MROH9: variants seen among roughly 807,000 people sequenced by gnomAD.
MROH9 encodes the protein maestro heat-like repeat-containing protein family member 9.
Under a neutral mutation model 98.2 loss-of-function variants are expected in MROH9, and 92 were observed. The ratio of observed to expected loss-of-function variants is 0.94; its 90% CI spans 0.79 to 1.11. The LOEUF (loss-of-function observed/expected upper bound fraction) is 1.11. Ranked by LOEUF, MROH9 falls within the 50% of genes most tolerant of loss-of-function variation. MROH9 has a pLI of 0.00. For synonymous variants in MROH9, 397 were observed against 368.9 expected, an observed-to-expected ratio of 1.08 and a Z score of -0.87; for missense variants, 1,057 against 1,014.8, an observed-to-expected ratio of 1.04 and a Z score of -0.57.
At chr1:170,997,443 G>A (rs2101815560) in intron 14 of MROH9, among the ~76,000 whole-genome samples, 1 of 152,272 alleles carries the variant, frequency 6.6e-6, no homozygotes, top group African/African-American at 2.4e-5. Context: ...TCACCTGAGA[G>A]TTAAAAATTC....
At position 171,025,358 on chromosome 1, in the gene MROH9, A is replaced by G. The variant is rs1557903233; in HGVS notation, c.2219A>G (p.Asp740Gly). The G allele has an allele frequency of 6.4e-7, 1 of 1,550,470 alleles. No homozygotes were observed. Among genetic ancestry groups the G allele is most frequent in the Non-Finnish European group, 8.7e-7 (1 of 1,146,018 alleles). The change falls in exon 20 of 22, where the codon GAT becomes GGT. Residue 740 changes from aspartate (D) to glycine (G), a missense_variant. Asp to Gly is a moderately conservative substitution (Grantham distance 94, BLOSUM62 -1). Transcript: ENST00000367759. ...AACTACATTACAGATTTGACATCTGATACCTTACGATTCCTGTGGAGCCCC... is the reference window on the plus strand; with the variant it reads ...AACTACATTACAGATTTGACATCTGGTACCTTACGATTCCTGTGGAGCCCC... ...HRNYITDLTS[D>G]TLRFLWSPRT...
At chr1:170,981,872 G>T (rs1398736321) in intron 8 of MROH9, among the ~76,000 whole-genome samples, 1 of 152,112 alleles carries the variant, frequency 6.6e-6, no homozygotes, top group African/African-American at 2.4e-5. Flanking sequence ...TTAAAGAAAT[G>T]TAAATTAAAC....
chr1:171,018,555 A>C (rs1450677069), intron 17 of MROH9, among the ~76,000 whole-genome samples: 1 of 152,184 alleles, frequency 6.6e-6, no homozygotes, highest in Non-Finnish European at 1.5e-5. Flanking sequence ...GGAGGATGAG[A>C]TGGACGAATT....
At chr1:171,022,966 TA>T (rs1316002826) in intron 17 of MROH9, among the ~76,000 whole-genome samples, 1 of 151,996 alleles carries the variant, frequency 6.6e-6, no homozygotes, top group Admixed American at 6.6e-5. Context: ...AGCGCTCATA[TA>T]AAAAAAATCA....
chr1:171,041,005 G>C (rs1223092057), intron 20 of MROH9, among the ~76,000 whole-genome samples: 1 of 151,840 alleles, frequency 6.6e-6, no homozygotes, highest in Non-Finnish European at 1.5e-5. Flanking sequence ...AATAGATTTA[G>C]GGATACAAGT....
intron 20 of MROH9, among the ~76,000 whole-genome samples, chr1:171,030,114 T>A (rs1294337356): frequency 2.0e-5 from 3 of 152,216 alleles, no homozygotes; most frequent in African/African-American, 7.2e-5. Context: ...TGATGGTAGT[T>A]TTTATTTCTG....
intron 20 of MROH9, among the ~76,000 whole-genome samples, chr1:171,033,736 G>A (rs531418609): frequency 2.0e-5 from 3 of 151,744 alleles, no homozygotes; most frequent in Non-Finnish European, 4.4e-5. Flanking sequence ...CCATCTATTC[G>A]GCTCCCCCAC....
intron 6 of MROH9, among the ~76,000 whole-genome samples, chr1:170,963,872 AATT>A (rs1430353004): frequency 6.6e-6 from 1 of 152,126 alleles, no homozygotes. Context: ...AAGGAAAAAT[AATT>A]AATGGGTACT....
At position 170,971,765 on chromosome 1, in the gene MROH9, A is replaced by G. The variant is rs1557879283; in HGVS notation, c.498A>G (p.Pro166=). ...TCCATTAGATAAGTGTTGATGCTCC[A>G]TGTTTGGGTCTCCTGGCAGCAGAGC... ...KVRKYISVDA[P]CLGLLAAELS... Residue 166 remains proline (P), a synonymous_variant, in exon 8 of 22, where the codon CCA becomes CCG. Coordinates refer to ENST00000367759, the MANE Select transcript of MROH9 (RefSeq NM_001163629.2). 2.5e-6 allele frequency: 4 copies of G among 1,614,032 alleles called. No individual in the cohort carries two copies. Among genetic ancestry groups the G allele is most frequent in the Admixed American group, 3.3e-5 (2 of 60,006 alleles).
At chr1:170,963,181 C>T (rs1364455101) in intron 6 of MROH9, among the ~76,000 whole-genome samples, 1 of 150,772 alleles carries the variant, frequency 6.6e-6, no homozygotes, top group Non-Finnish European at 1.5e-5. Context: ...CATGAACAGA[C>T]ACTTTTCAAA....
chr1:171,025,253 CT>C, intron 19 of MROH9, 64 bp from the exon 20 acceptor site: 1 of 1,024,052 alleles, frequency 9.8e-7, no homozygotes, highest in Non-Finnish European at 1.5e-6. Flanking sequence ...TGAAGCCTTT[CT>C]GGAGGGAGCA....
Position 171,064,509 on chromosome 1 carries a change from T to C in MROH9, c.*169T>C. ...AGCTTTTACTGTTACTTCTTAATTCTCTATTCAAATATAGAAATCTGAGAG... is the reference window on the plus strand; with the variant it reads ...AGCTTTTACTGTTACTTCTTAATTCCCTATTCAAATATAGAAATCTGAGAG... On this transcript the variant is annotated 3_prime_UTR_variant, in exon 22 of 22. Coordinates refer to ENST00000367759, the MANE Select transcript of MROH9 (RefSeq NM_001163629.2). 1 of 598,430 alleles carries C rather than the reference T, an allele frequency of 1.7e-6. No individual in the cohort carries two copies. Among genetic ancestry groups the C allele is most frequent in the Non-Finnish European group, 2.7e-6 (1 of 367,066 alleles). The allele number at this position is 598,430 out of a possible 1,614,324, so 37.1% of individuals were successfully genotyped here. A position where few individuals can be genotyped will look rare whatever the true frequency, so the allele number is the denominator to read the frequency against.
At chr1:171,056,868 C>T (rs1653854545) in intron 20 of MROH9, among the ~76,000 whole-genome samples, 1 of 152,152 alleles carries the variant, frequency 6.6e-6, no homozygotes, top group South Asian at 2.1e-4. Context: ...AGCAGCCCTA[C>T]AGAAAAGGGA....
intron 8 of MROH9, among the ~76,000 whole-genome samples, chr1:170,972,806 C>A (rs1432900646): frequency 8.6e-6 from 1 of 115,960 alleles, no homozygotes; most frequent in Admixed American, 1.0e-4. Context: ...AGCAAGACTC[C>A]GCCTCAAAAA....
chr1:171,054,221 ATAAAG>A (rs779678545), intron 20 of MROH9, among the ~76,000 whole-genome samples: 12 of 152,214 alleles, frequency 7.9e-5, no homozygotes, highest in Admixed American at 5.9e-4. Flanking sequence ...GAACCCAGAA[ATAAAG>A]TAAAATACAG....
intron 20 of MROH9, among the ~76,000 whole-genome samples, chr1:171,048,743 G>A (rs1020181278): frequency 2.6e-5 from 4 of 152,098 alleles, no homozygotes; most frequent in African/African-American, 9.7e-5. Context: ...ACCACAGCTG[G>A]TAATGTACTG....
chr1:170,993,439 AAATT>A (rs1651438441), intron 12 of MROH9, among the ~76,000 whole-genome samples: 1 of 152,144 alleles, frequency 6.6e-6, no homozygotes, highest in Non-Finnish European at 1.5e-5. Context: ...GACTGGTTTG[AAATT>A]AATTGTGTGT....
intron 2 of MROH9, among the ~76,000 whole-genome samples, chr1:170,946,956 C>T (rs1045802492): frequency 2.0e-5 from 3 of 151,816 alleles, no homozygotes; most frequent in African/African-American, 7.3e-5. Context: ...TTAATATATG[C>T]ATTTATTTCT....
chr1:170,983,457 CAT>C lies in MROH9; in HGVS notation c.654_655del (p.His218GlnfsTer8). Reference sequence around the variant, plus strand: ...AAATAAGCCTACAAACGGTAAAAGTCATAGCCTCCAGTTTCCTTCTTCTGATG... The same window carrying C: ...AAATAAGCCTACAAACGGTAAAAGTCAGCCTCCAGTTTCCTTCTTCTGATG... ...GTNKPTNGKS[H>X]SLQFPSSDVE... On this transcript the variant is annotated frameshift_variant, in exon 9 of 22. Coordinates refer to ENST00000367759, the MANE Select transcript of MROH9 (RefSeq NM_001163629.2). LOFTEE classifies it high-confidence loss of function. 1.2e-6 allele frequency: 2 copies of C among 1,613,132 alleles called. No individual in the cohort carries two copies. Among genetic ancestry groups the C allele is most frequent in the Non-Finnish European group, 1.7e-6 (2 of 1,179,444 alleles).
Sources: gnomAD v4.1 joint callset for allele counts (sites outside exome capture counted in the v4.1 genomes callset) on GRCh38, gnomAD v4.1.1 for gene constraint, MANE v1.5 for transcripts, NCBI Gene and HGNC (gene_info 2026-07-23, HGNC 2026-07-21) for gene names.